The following GPHN variants were observed in gnomAD, a reference collection of about 807,000 sequenced individuals.
The protein encoded by GPHN is gephyrin.
GPHN carries 17 observed loss-of-function variants against 95.5 expected under a neutral mutation model. That is an observed-to-expected ratio of 0.18 (90% confidence interval 0.12 to 0.27). GPHN has a LOEUF of 0.27. Among genes scored for constraint, GPHN ranks in the 10% least tolerant of loss-of-function variants. The probability of loss-of-function intolerance (pLI) is 1.00; values close to 1 mark genes in which losing one functional copy is unlikely to be tolerated. For synonymous variants in GPHN, 320 were observed against 322.5 expected, an observed-to-expected ratio of 0.99 and a Z score of 0.08; for missense variants, 660 against 978.1, an observed-to-expected ratio of 0.67 and a Z score of 4.34.
At chr14:67,701,548 C>T in the GPHN span, among the ~76,000 whole-genome samples, 1 of 151,088 alleles carries the variant, frequency 6.6e-6, no homozygotes, top group Non-Finnish European at 1.5e-5. Context: ...CTCAGCCTCC[C>T]GAGTAGCTGG....
chr14:66,734,485 G>T (rs1194142304), intron 2 of GPHN, among the ~76,000 whole-genome samples: 1 of 152,106 alleles, frequency 6.6e-6, no homozygotes, highest in Non-Finnish European at 1.5e-5. Flanking sequence ...CACCTCTTCA[G>T]ATAGGCCTTC....
At chr14:66,544,574 TTTTC>T (rs2059463836) in intron 1 of GPHN, among the ~76,000 whole-genome samples, 1 of 128,342 alleles carries the variant, frequency 7.8e-6, no homozygotes, top group Non-Finnish European at 1.5e-5. Flanking sequence ...GCCTTTCTTT[TTTTC>T]TTTTTTTTTT....
chr14:66,561,536 A>G (rs549417517), intron 1 of GPHN, among the ~76,000 whole-genome samples: 9 of 152,242 alleles, frequency 5.9e-5, no homozygotes, highest in South Asian at 2.1e-4. Flanking sequence ...CATTTTACAT[A>G]TAAGGAAATT....
the GPHN span, among the ~76,000 whole-genome samples, chr14:67,362,485 GTGATAC>G: frequency 1.3e-5 from 2 of 152,092 alleles, no homozygotes; most frequent in Admixed American, 6.6e-5. Context: ...ACGTATACAT[GTGATAC>G]CCTCAGTAAA....
chr14:67,177,973 TG>T (rs764758987), intron 21 of GPHN, among the ~76,000 whole-genome samples: 6 of 152,208 alleles, frequency 3.9e-5, no homozygotes, highest in Non-Finnish European at 8.8e-5. Context: ...GCATGTGAGA[TG>T]GGTCTCCTGA....
rs566195257 is a variant in GPHN at position 67,037,318 on chromosome 14, T to A, written c.1006+13643T>A. Among the ~76,000 whole-genome samples, 8 of 152,032 alleles carry A rather than the reference T, an allele frequency of 5.3e-5. 1 individual carries two copies. The South Asian group carries it at 1.7e-3, about 32-fold the overall frequency. ...TTAAAGATCTAATAGTTAAGTCTAA[T>A]AGGTAAGACCTGAAACTATGAAACT... On this transcript the variant is annotated intron_variant, in intron 10 of 22. Transcript: ENST00000478722.
chr14:66,661,236 A>T (rs773222190), intron 1 of GPHN, among the ~76,000 whole-genome samples: 2 of 152,194 alleles, frequency 1.3e-5, no homozygotes, highest in South Asian at 4.1e-4. Context: ...GCCCCCAGCA[A>T]CAGAGTTGTA....
chr14:66,630,127 T>G (rs1472733935), intron 1 of GPHN, among the ~76,000 whole-genome samples: 3 of 152,078 alleles, frequency 2.0e-5, no homozygotes, highest in African/African-American at 7.2e-5. Context: ...TAGATGACAA[T>G]ATGAAGATCT....
the GPHN span, chr14:67,579,302 G>A: frequency 1.8e-5 from 27 of 1,528,702 alleles, 1 homozygote; most frequent in South Asian, 3.2e-4. Flanking sequence ...TTACCAACGG[G>A]ACTTACCATG....
chr14:66,883,220 C>G (rs1284027897), intron 5 of GPHN, among the ~76,000 whole-genome samples: 2 of 151,742 alleles, frequency 1.3e-5, no homozygotes, highest in South Asian at 2.1e-4. Flanking sequence ...CTTTTTTACT[C>G]TGTATTAATT....
chr14:67,343,259 G>T, the GPHN span: 2 of 751,268 alleles, frequency 2.7e-6, no homozygotes, highest in Non-Finnish European at 4.3e-6. Context: ...GTGGGCAAGG[G>T]AAGCATCTTA....
chr14:66,531,966 G>A (rs2139956493), intron 1 of GPHN, among the ~76,000 whole-genome samples: 1 of 152,254 alleles, frequency 6.6e-6, no homozygotes, highest in Non-Finnish European at 1.5e-5. Context: ...GCTGTAGACA[G>A]TGTATAAATG....
chr14:67,090,714 A>T (rs890021835), intron 12 of GPHN, among the ~76,000 whole-genome samples: 2 of 151,978 alleles, frequency 1.3e-5, no homozygotes, highest in African/African-American at 2.4e-5. Context: ...TTATCTTTTT[A>T]TGTTGGAGAT....
intron 2 of GPHN, among the ~76,000 whole-genome samples, chr14:66,719,856 A>G (rs557059807): frequency 9.8e-5 from 15 of 152,342 alleles, no homozygotes; most frequent in Admixed American, 7.8e-4. Flanking sequence ...TAGTTGCACT[A>G]TGGTGGTAAT....
chr14:67,312,289 A>G, the GPHN span: 1 of 279,212 alleles, frequency 3.6e-6, no homozygotes, highest in Non-Finnish European at 6.6e-6. Context: ...CACTGATGAA[A>G]AATTGTGGCC....
intron 1 of GPHN, among the ~76,000 whole-genome samples, chr14:66,632,084 G>C (rs2063837368): frequency 6.6e-6 from 1 of 152,044 alleles, no homozygotes; most frequent in Non-Finnish European, 1.5e-5. Context: ...AATCCTGCTA[G>C]CTCTGAGATC....
the GPHN span, among the ~76,000 whole-genome samples, chr14:67,235,975 A>C: frequency 6.6e-6 from 1 of 152,212 alleles, no homozygotes; most frequent in South Asian, 2.1e-4. Flanking sequence ...AAATTGATAA[A>C]AATTAGATAT....
intron 5 of GPHN, among the ~76,000 whole-genome samples, chr14:66,888,506 T>G (rs949538669): frequency 6.6e-6 from 1 of 152,136 alleles, no homozygotes. Context: ...CTGTTGAAGA[T>G]AAGCTGGTAT....
intron 20 of GPHN, 152 bp downstream of exon 20, chr14:67,165,378 T>A (rs1344410233): frequency 6.2e-6 from 4 of 645,764 alleles, no homozygotes; most frequent in Non-Finnish European, 8.3e-6. Context: ...CTCTAGGAAG[T>A]TTCTTCACCT....
Sources: allele counts gnomAD v4.1 joint callset (sites outside exome capture counted in the v4.1 genomes callset), GRCh38; gene constraint gnomAD v4.1.1; transcripts MANE v1.5; gene names NCBI Gene and HGNC (gene_info 2026-07-23, HGNC 2026-07-21).